Variants in NALF1 observed in about 807,000 individuals in gnomAD.
The protein encoded by NALF1 is NALCN channel auxiliary factor 1, also known as family with sequence similarity 155 member A.
Under a neutral mutation model 48.4 loss-of-function variants are expected in NALF1, and 3 were observed. The ratio of observed to expected loss-of-function variants is 0.06; its 90% confidence interval spans 0.03 to 0.16. The LOEUF is 0.16. Ranked by LOEUF, NALF1 falls within the 10% of genes least tolerant of loss-of-function variation. The probability of loss-of-function intolerance (pLI) is 1.00; values close to 1 mark genes in which losing one functional copy is unlikely to be tolerated. For missense variants in NALF1, 526 were observed against 571.5 expected, an observed-to-expected ratio of 0.92 and a Z score of 0.81; for synonymous variants, 262 against 245.7, an observed-to-expected ratio of 1.07 and a Z score of -0.62.
intron 1 of NALF1, among the ~76,000 whole-genome samples, chr13:107,485,781 T>A (rs1885319512): frequency 6.6e-6 from 1 of 152,140 alleles, no homozygotes; most frequent in East Asian, 1.9e-4. Flanking sequence ...TTAACCAAAA[T>A]CAAAAATCTT....
chr13:107,789,514 T>C (rs1878168626), intron 1 of NALF1, among the ~76,000 whole-genome samples: 1 of 152,198 alleles, frequency 6.6e-6, no homozygotes, highest in Admixed American at 6.5e-5. Context: ...TCTTTGTCAT[T>C]CTGGATCATG....
At chr13:107,659,816 C>CTT (rs71121542) in intron 1 of NALF1, among the ~76,000 whole-genome samples, 2 of 146,040 alleles carry the variant, frequency 1.4e-5, no homozygotes, top group Admixed American at 6.8e-5. Context: ...CAAACATTTT[C>CTT]TTTTTTTTTT....
At chr13:107,704,222 T>C (rs571650946) in intron 1 of NALF1, among the ~76,000 whole-genome samples, 1 of 152,336 alleles carries the variant, frequency 6.6e-6, no homozygotes, top group African/African-American at 2.4e-5. Context: ...TTCATTGTTC[T>C]GGTTGCTTCA....
At chr13:107,173,619 T>A (rs1015543164) in intron 2 of NALF1, among the ~76,000 whole-genome samples, 5 of 152,210 alleles carry the variant, frequency 3.3e-5, no homozygotes, top group African/African-American at 1.2e-4. Flanking sequence ...TGCACTGCAG[T>A]GCTGGATCCC....
intron 1 of NALF1, among the ~76,000 whole-genome samples, chr13:107,468,927 A>C (rs1457685852): frequency 6.6e-6 from 1 of 152,176 alleles, no homozygotes; most frequent in Admixed American, 6.5e-5. Context: ...TTTTATGATT[A>C]TCTAATAAAG....
intron 1 of NALF1, among the ~76,000 whole-genome samples, chr13:107,491,843 TG>T (rs1470042146): frequency 6.6e-6 from 1 of 152,050 alleles, no homozygotes; most frequent in Non-Finnish European, 1.5e-5. Context: ...AGAAATAATT[TG>T]AAGACAGACA....
At chr13:107,607,765 C>T (rs914773892) in intron 1 of NALF1, among the ~76,000 whole-genome samples, 8 of 152,134 alleles carry the variant, frequency 5.3e-5, no homozygotes, top group Non-Finnish European at 1.5e-5. Flanking sequence ...CTACCCTTGC[C>T]TTACTTATCA....
At chr13:107,357,068 T>C (rs1255604217) in intron 1 of NALF1, among the ~76,000 whole-genome samples, 1 of 152,112 alleles carries the variant, frequency 6.6e-6, no homozygotes, top group East Asian at 1.9e-4. Context: ...TGAGATACAA[T>C]GGAGAACATA....
At chr13:107,727,034 A>T (rs1485775762) in intron 1 of NALF1, among the ~76,000 whole-genome samples, 2 of 137,724 alleles carry the variant, frequency 1.5e-5, no homozygotes, top group African/African-American at 5.6e-5. Flanking sequence ...CTGGTCTCGA[A>T]CTCCTGACCT....
At chr13:107,705,585 T>C (rs1881929601) in intron 1 of NALF1, among the ~76,000 whole-genome samples, 1 of 151,950 alleles carries the variant, frequency 6.6e-6, no homozygotes, top group Non-Finnish European at 1.5e-5. Flanking sequence ...TAGAAAACAA[T>C]ACCGATTTGT....
intron 1 of NALF1, among the ~76,000 whole-genome samples, chr13:107,864,564 G>C (rs1880660013): frequency 6.6e-6 from 1 of 152,222 alleles, no homozygotes; most frequent in African/African-American, 2.4e-5. Context: ...AGAGAATGTG[G>C]TGTATTATTT....
chr13:107,317,077 T>C (rs1252395947), intron 1 of NALF1, among the ~76,000 whole-genome samples: 2 of 152,158 alleles, frequency 1.3e-5, no homozygotes, highest in African/African-American at 4.8e-5. Context: ...CTAACATTAT[T>C]GTAGAGACAT....
At chr13:107,549,153 A>C (rs1377114209) in intron 1 of NALF1, among the ~76,000 whole-genome samples, 2 of 152,184 alleles carry the variant, frequency 1.3e-5, no homozygotes, top group East Asian at 3.9e-4. Flanking sequence ...AAATGCAAAG[A>C]AGCTTAATTA....
intron 1 of NALF1, among the ~76,000 whole-genome samples, chr13:107,501,217 T>C (rs914502581): frequency 6.6e-6 from 1 of 152,134 alleles, no homozygotes; most frequent in Non-Finnish European, 1.5e-5. Context: ...CACTCCAGTA[T>C]GTGCCTTTAA....
chr13:107,386,205 TATC>T (rs1218103283), intron 1 of NALF1, among the ~76,000 whole-genome samples: 1 of 152,236 alleles, frequency 6.6e-6, no homozygotes, highest in Non-Finnish European at 1.5e-5. Flanking sequence ...AATTCAAAGA[TATC>T]ATCATTCAGA....
At chr13:107,850,601 C>T (rs1880283476) in intron 1 of NALF1, among the ~76,000 whole-genome samples, 1 of 152,074 alleles carries the variant, frequency 6.6e-6, no homozygotes, top group Non-Finnish European at 1.5e-5. Flanking sequence ...GTTTGGAAAG[C>T]GATATTTAAA....
intron 1 of NALF1, among the ~76,000 whole-genome samples, chr13:107,635,047 G>T (rs1879937690): frequency 6.6e-6 from 1 of 152,100 alleles, no homozygotes; most frequent in Non-Finnish European, 1.5e-5. Flanking sequence ...GTACACACAA[G>T]CAATAATTAA....
At chr13:107,590,424 C>T (rs148469794) in intron 1 of NALF1, among the ~76,000 whole-genome samples, 1 of 152,010 alleles carries the variant, frequency 6.6e-6, no homozygotes, top group East Asian at 1.9e-4. Context: ...CAAGTTTGTC[C>T]ATTGGTGGAA....
intron 1 of NALF1, among the ~76,000 whole-genome samples, chr13:107,494,788 G>C (rs1280509656): frequency 1.3e-5 from 2 of 152,206 alleles, no homozygotes; most frequent in Admixed American, 1.3e-4. Flanking sequence ...ACGACTGTGT[G>C]ATTTTTAATG....
Sources: gnomAD v4.1 joint callset for allele counts (sites outside exome capture counted in the v4.1 genomes callset) on GRCh38, gnomAD v4.1.1 for gene constraint, MANE v1.5 for transcripts, NCBI Gene and HGNC (gene_info 2026-07-23, HGNC 2026-07-21) for gene names.